Variants in CES5A observed in about 807,000 individuals in gnomAD.
CES5A encodes the protein carboxylesterase 5.
CES5A carries 67 observed loss-of-function variants against 62.9 expected under a neutral mutation model. The ratio of observed to expected loss-of-function variants is 1.07; its 90% confidence interval spans 0.88 to 1.31. The LOEUF (loss-of-function observed/expected upper bound fraction) is 1.31. Ranked by LOEUF, CES5A falls within the 50% of genes most tolerant of loss-of-function variation. The pLI, the probability that CES5A is intolerant of heterozygous loss-of-function variation, is 0.00. For synonymous variants in CES5A, 296 were observed against 280.8 expected (o/e 1.05, Z -0.54); for missense variants, 748 against 708.5 (o/e 1.06, Z -0.63).
At chr16:55,868,809 C>T (rs537659627) in intron 4 of CES5A, among the ~76,000 whole-genome samples, 98 of 152,308 alleles carry the variant, frequency 6.4e-4, no homozygotes, top group African/African-American at 2.3e-3. Flanking sequence ...AGTCAAGAGA[C>T]CTAGCTCTGT....
intron 2 of CES5A, chr16:55,949,764 A>G: frequency 1.5e-6 from 2 of 1,303,864 alleles, no homozygotes; most frequent in Non-Finnish European, 2.1e-6. Flanking sequence ...AACCCTGGTA[A>G]ATTCTTGTCA....
chr16:55,941,553 C>T (rs1161907184), intron 2 of CES5A, among the ~76,000 whole-genome samples: 3 of 152,124 alleles, frequency 2.0e-5, no homozygotes, highest in East Asian at 1.9e-4. Context: ...AAATGATCTA[C>T]ATATTTAACA....
upstream of CES5A, among the ~76,000 whole-genome samples, chr16:55,927,285 G>C (rs1179270371): frequency 1.3e-5 from 2 of 152,074 alleles, no homozygotes. Flanking sequence ...AAATGAAAAG[G>C]CTTCTGCACA....
In CES5A at chr16:55,846,468, A is replaced by C; in HGVS notation, c.1711T>G (p.Phe571Val). 1.9e-6 allele frequency: 3 copies of C among 1,613,688 alleles called. No homozygotes were observed. In the South Asian group the frequency reaches 3.3e-5, roughly 18 times the overall value. ...ATAACTTCTCAAGGAGCACAAAAGA[A>C]AAAGAAAGGCTGGAGGAGAGAGAGG... ...TFLSLLQPFF[F>V]FCAP The change falls in exon 13 of 13, where the codon TTC (phenylalanine) becomes GTC (valine). Residue 571 changes from phenylalanine (F) to valine (V), a missense_variant. By Grantham distance (50) the Phe-to-Val change is conservative (BLOSUM62 -1). Transcript: ENST00000290567.
At chr16:55,877,868 T>C (rs1408355761), upstream of CES5A, among the ~76,000 whole-genome samples, 1 of 152,184 alleles carries the variant, frequency 6.6e-6, no homozygotes, top group Non-Finnish European at 1.5e-5. Context: ...CCAGGTTTCC[T>C]GCCCTCGAGC....
At chr16:55,859,434 G>T in intron 8 of CES5A, 113 bp downstream of exon 8, 1 of 1,017,788 alleles carries the variant, frequency 9.8e-7, no homozygotes, top group Non-Finnish European at 1.5e-6. Flanking sequence ...TGCTTGGCTG[G>T]TGGGCTCCAG....
At chr16:55,929,040 A>G (rs1202598437), upstream of CES5A, among the ~76,000 whole-genome samples, 1 of 152,224 alleles carries the variant, frequency 6.6e-6, no homozygotes, top group Non-Finnish European at 1.5e-5. Context: ...AATCTGCAAC[A>G]TTAAAGACAC....
chr16:55,929,102 A>G (rs1477124289), upstream of CES5A, among the ~76,000 whole-genome samples: 1 of 152,208 alleles, frequency 6.6e-6, no homozygotes, highest in African/African-American at 2.4e-5. Flanking sequence ...AGTGGGCTCT[A>G]AGACTCCACA....
chr16:55,920,897 C>T, intron 1 of CES5A, among the ~76,000 whole-genome samples: 1 of 152,112 alleles, frequency 6.6e-6, no homozygotes, highest in East Asian at 1.9e-4. Context: ...CAGAAATTTA[C>T]CACAGAAACT....
At chr16:55,921,985 C>A (rs1325675172) in intron 1 of CES5A, among the ~76,000 whole-genome samples, 2 of 151,582 alleles carry the variant, frequency 1.3e-5, no homozygotes, top group Non-Finnish European at 3.0e-5. Context: ...CTTGTTATAT[C>A]TATAAGATAT....
chr16:55,884,014 A>G (rs1456509171), intron 1 of CES5A, among the ~76,000 whole-genome samples: 2 of 152,202 alleles, frequency 1.3e-5, no homozygotes, highest in Admixed American at 6.5e-5. Flanking sequence ...ATCTGTGTCC[A>G]TTAGTCCTGA....
intron 1 of CES5A, among the ~76,000 whole-genome samples, chr16:55,908,379 G>T (rs746789415): frequency 2.7e-5 from 4 of 146,464 alleles, no homozygotes; most frequent in Non-Finnish European, 4.5e-5. Context: ...TTGTTTTTGA[G>T]ATGGAGTTTC....
At chr16:55,901,877 ACATTGC>A (rs2033993943) in intron 1 of CES5A, among the ~76,000 whole-genome samples, 1 of 152,188 alleles carries the variant, frequency 6.6e-6, no homozygotes, top group Non-Finnish European at 1.5e-5. Flanking sequence ...GCTTACAATT[ACATTGC>A]AGCTGTGCTG....
At chr16:55,854,337 G>A (rs1402323375) in intron 9 of CES5A, among the ~76,000 whole-genome samples, 1 of 151,770 alleles carries the variant, frequency 6.6e-6, no homozygotes, top group Non-Finnish European at 1.5e-5. Context: ...CTGCTCAGTT[G>A]TTCCCCTCAC....
intron 1 of CES5A, among the ~76,000 whole-genome samples, chr16:55,883,229 G>T (rs1033858545): frequency 1.1e-4 from 17 of 152,116 alleles, no homozygotes; most frequent in Non-Finnish European, 4.4e-5. Context: ...GAATGGAATT[G>T]TGAAAGGCAC....
intron 5 of CES5A, among the ~76,000 whole-genome samples, chr16:55,864,315 C>T (rs1166960759): frequency 6.6e-6 from 1 of 152,212 alleles, no homozygotes; most frequent in Non-Finnish European, 1.5e-5. Flanking sequence ...TCTCTTAACT[C>T]ACCACCATGT....
intron 1 of CES5A, among the ~76,000 whole-genome samples, chr16:55,900,761 C>T (rs193055915): frequency 3.1e-4 from 47 of 152,324 alleles, no homozygotes; most frequent in African/African-American, 1.1e-3. Flanking sequence ...GAAAGGTAGG[C>T]AGTTGGACCT....
chr16:55,873,678 A>G, intron 2 of CES5A, 155 bp downstream of exon 2: 1 of 665,708 alleles, frequency 1.5e-6, no homozygotes, highest in East Asian at 2.7e-5. Context: ...TTTAGGAGTC[A>G]GGGGATTACC....
intron 4 of CES5A, among the ~76,000 whole-genome samples, chr16:55,867,404 G>T (rs555378248): frequency 6.6e-6 from 1 of 152,300 alleles, no homozygotes; most frequent in South Asian, 2.1e-4. Context: ...AAATGCCATA[G>T]AACCAAAGAA....
Sources: allele counts gnomAD v4.1 joint callset (sites outside exome capture counted in the v4.1 genomes callset), GRCh38; gene constraint gnomAD v4.1.1; transcripts MANE v1.5; gene names NCBI Gene and HGNC (gene_info 2026-07-23, HGNC 2026-07-21).